PDE8B: variants seen among roughly 807,000 people sequenced by gnomAD.
PDE8B encodes the protein phosphodiesterase 8B.
Under a neutral mutation model 101.3 loss-of-function variants are expected in PDE8B, and 26 were observed. The ratio of observed to expected loss-of-function variants is 0.26; its 90% CI spans 0.19 to 0.36. PDE8B has a LOEUF of 0.36. PDE8B is among the 10% of genes least tolerant of loss of function. PDE8B has a pLI of 1.00. For missense variants in PDE8B, 810 were observed against 1,163.1 expected, an observed-to-expected ratio of 0.70 and a Z score of 4.42; for synonymous variants, 424 against 429.3, an observed-to-expected ratio of 0.99 and a Z score of 0.15.
At chr5:77,117,671 A>T in the PDE8B span, among the ~76,000 whole-genome samples, 1 of 152,198 alleles carries the variant, frequency 6.6e-6, no homozygotes. Context: ...GATCTGGAAG[A>T]TGTTTATTCA....
At chr5:77,349,590 AC>A in intron 8 of PDE8B, 31 bp downstream of exon 8, 4 of 1,612,506 alleles carry the variant, frequency 2.5e-6, no homozygotes, top group Non-Finnish European at 2.5e-6. Context: ...CAATCCACGA[AC>A]CCTCTCCCCA....
At chr5:77,219,587 C>T (rs1024682091) in intron 1 of PDE8B, among the ~76,000 whole-genome samples, 1 of 152,154 alleles carries the variant, frequency 6.6e-6, no homozygotes, top group Non-Finnish European at 1.5e-5. Flanking sequence ...GCTGAGGGAG[C>T]TTCAAACGAG....
intron 10 of PDE8B, among the ~76,000 whole-genome samples, chr5:77,396,832 C>T (rs1168868658): frequency 6.6e-6 from 1 of 151,958 alleles, no homozygotes; most frequent in African/African-American, 2.4e-5. Context: ...GTTTTAATTA[C>T]ATATATTAAC....
chr5:77,380,744 G>T (rs574833911), intron 10 of PDE8B, among the ~76,000 whole-genome samples: 1 of 152,134 alleles, frequency 6.6e-6, no homozygotes, highest in Non-Finnish European at 1.5e-5. Context: ...CTTATAGATA[G>T]ACATTATTCA....
At chr5:77,360,876 T>G (rs1332129636) in intron 10 of PDE8B, among the ~76,000 whole-genome samples, 1 of 152,186 alleles carries the variant, frequency 6.6e-6, no homozygotes, top group African/African-American at 2.4e-5. Context: ...CTACAGAGCC[T>G]CATGACCACT....
intron 18 of PDE8B, among the ~76,000 whole-genome samples, chr5:77,419,562 G>C (rs1157227861): frequency 6.6e-6 from 1 of 152,134 alleles, no homozygotes. Flanking sequence ...AATCACATAA[G>C]GGTCAGCTAT....
At chr5:77,403,837 A>G (rs751339394) in intron 11 of PDE8B, among the ~76,000 whole-genome samples, 1 of 147,008 alleles carries the variant, frequency 6.8e-6, no homozygotes, top group Non-Finnish European at 1.5e-5. Flanking sequence ...TTTTTTTTGG[A>G]GACAGAGTTT....
intron 10 of PDE8B, among the ~76,000 whole-genome samples, chr5:77,383,139 A>G (rs970798978): frequency 2.0e-5 from 3 of 152,224 alleles, no homozygotes; most frequent in African/African-American, 4.8e-5. Context: ...TCTAACTGGC[A>G]TGAGATGATA....
chr5:77,155,298 C>G, the PDE8B span, among the ~76,000 whole-genome samples: 3 of 152,198 alleles, frequency 2.0e-5, no homozygotes, highest in Non-Finnish European at 2.9e-5. Flanking sequence ...CTATGCAATG[C>G]AACACAATGT....
At chr5:77,107,480 TA>T in the PDE8B span, among the ~76,000 whole-genome samples, 12 of 152,280 alleles carry the variant, frequency 7.9e-5, no homozygotes, top group Non-Finnish European at 1.6e-4. Flanking sequence ...ATAGTTTTAT[TA>T]TTTTTTTTGT....
intron 17 of PDE8B, 33 bp downstream of exon 17, chr5:77,413,342 C>CT (rs1480545323): frequency 6.4e-7 from 1 of 1,562,634 alleles, no homozygotes; most frequent in Non-Finnish European, 8.8e-7. Context: ...TAGTTACCTG[C>CT]CTGGATTGGA....
At position 77,353,414 on chromosome 5, in the gene PDE8B, A is replaced by G. The variant is rs1390523179; in HGVS notation, c.1167+8A>G. 6.4e-7 allele frequency: 1 copy of G among 1,564,494 alleles called. No individual in the cohort carries two copies. The highest frequency in any genetic ancestry group is 8.8e-7 in the Non-Finnish European group (1 of 1,134,784). ...ACTGACAATAATAAGCAGGTATGGT[A>G]TTAGCTCACTTCGTTTGCTCTGTCT... On this transcript the variant is annotated splice_region_variant and intron_variant, in intron 10 of 21. Coordinates refer to ENST00000264917, the MANE Select transcript of PDE8B (RefSeq NM_003719.5).
At chr5:77,311,798 G>T (rs995839096) in intron 1 of PDE8B, among the ~76,000 whole-genome samples, 196 bp from the exon 2 acceptor site, 2 of 99,666 alleles carry the variant, frequency 2.0e-5, no homozygotes, top group African/African-American at 9.4e-5. Flanking sequence ...CATATAAATG[G>T]ATACTTTTTT....
At chr5:77,282,084 C>T (rs1287442113) in intron 1 of PDE8B, among the ~76,000 whole-genome samples, 2 of 152,150 alleles carry the variant, frequency 1.3e-5, no homozygotes, top group African/African-American at 4.8e-5. Flanking sequence ...CAATCCTGTT[C>T]AGCCTGACTT....
intron 7 of PDE8B, among the ~76,000 whole-genome samples, chr5:77,345,465 C>T (rs1010745711): frequency 3.9e-5 from 6 of 152,134 alleles, no homozygotes; most frequent in Admixed American, 3.9e-4. Context: ...CAGCTAGAAC[C>T]GGGGTAAATT....
intron 19 of PDE8B, among the ~76,000 whole-genome samples, chr5:77,421,301 T>C (rs905742380): frequency 6.6e-6 from 1 of 151,720 alleles, no homozygotes; most frequent in East Asian, 1.9e-4. Flanking sequence ...GTTGGGTGAG[T>C]TGGGGGTGGG....
intron 1 of PDE8B, among the ~76,000 whole-genome samples, chr5:77,303,240 T>A (rs554302019): frequency 1.7e-4 from 26 of 152,258 alleles, no homozygotes; most frequent in Admixed American, 1.0e-3. Context: ...TATTTACTGC[T>A]TAAAAAAATA....
intron 1 of PDE8B, chr5:77,290,562 G>A (rs1767071496): frequency 1.3e-6 from 2 of 1,491,904 alleles, no homozygotes; most frequent in East Asian, 4.5e-5. Context: ...GAAGATCCAA[G>A]TACTAGGAAG....
chr5:77,190,731 T>G, the PDE8B span, among the ~76,000 whole-genome samples: 7 of 152,362 alleles, frequency 4.6e-5, no homozygotes, highest in Non-Finnish European at 7.3e-5. Flanking sequence ...GCATATGAAC[T>G]GGTTGTGTGA....
Sources: allele counts gnomAD v4.1 joint callset (sites outside exome capture counted in the v4.1 genomes callset), GRCh38; gene constraint gnomAD v4.1.1; transcripts MANE v1.5; gene names NCBI Gene and HGNC (gene_info 2026-07-23, HGNC 2026-07-21).